LAMA2: variants seen among roughly 807,000 people sequenced by gnomAD.
The protein encoded by LAMA2 is laminin subunit alpha 2, also known as laminin subunit alpha-2.
Under a neutral mutation model 364.8 loss-of-function variants are expected in LAMA2, and 269 were observed. That is an observed-to-expected ratio of 0.74 (90% CI 0.67 to 0.82). The LOEUF (loss-of-function observed/expected upper bound fraction) is 0.82. LAMA2 is among the 40% of genes least tolerant of loss of function. The pLI, the probability that LAMA2 is intolerant of heterozygous loss-of-function variation, is 0.00. For synonymous variants in LAMA2, 1,379 were observed against 1,370.6 expected, an observed-to-expected ratio of 1.01 and a Z score of -0.14; for missense variants, 3,807 against 3,873.2, an observed-to-expected ratio of 0.98 and a Z score of 0.45.
At chr6:129,044,735 A>G (rs557511843) in intron 1 of LAMA2, among the ~76,000 whole-genome samples, 4 of 152,222 alleles carry the variant, frequency 2.6e-5, no homozygotes, top group African/African-American at 9.6e-5. Context: ...CAGAAAAAAA[A>G]TGTCAATCAT....
intron 15 of LAMA2, among the ~76,000 whole-genome samples, chr6:129,264,530 G>T (rs1787364466): frequency 6.6e-6 from 1 of 151,970 alleles, no homozygotes; most frequent in Non-Finnish European, 1.5e-5. Context: ...GTTTTTGGAA[G>T]GCGTCATAAA....
intron 4 of LAMA2, among the ~76,000 whole-genome samples, chr6:129,131,116 T>A (rs1178551834): frequency 6.6e-6 from 1 of 152,198 alleles, no homozygotes; most frequent in Non-Finnish European, 1.5e-5. Context: ...AAAACAACCC[T>A]GATTCTGTGA....
intron 20 of LAMA2, among the ~76,000 whole-genome samples, chr6:129,294,884 A>AT: frequency 6.6e-6 from 1 of 152,162 alleles, no homozygotes. Context: ...GTTTAAAATA[A>AT]TTTTTTTTCA....
At chr6:129,472,777 T>C (rs1783876895) in intron 51 of LAMA2, among the ~76,000 whole-genome samples, 1 of 151,970 alleles carries the variant, frequency 6.6e-6, no homozygotes, top group Non-Finnish European at 1.5e-5. Flanking sequence ...TAAATCCCAG[T>C]AGTTCCTGTG....
At chr6:129,218,298 G>A (rs528702844) in intron 12 of LAMA2, among the ~76,000 whole-genome samples, 1 of 152,154 alleles carries the variant, frequency 6.6e-6, no homozygotes, top group East Asian at 1.9e-4. Context: ...TACTCATCTT[G>A]TAGTGACCCT....
chr6:129,201,322 A>G (rs1782267545), intron 12 of LAMA2, among the ~76,000 whole-genome samples: 2 of 152,206 alleles, frequency 1.3e-5, no homozygotes, highest in East Asian at 3.9e-4. Flanking sequence ...GAGGCAGCAT[A>G]CAAGGGAAGA....
chr6:129,205,748 G>A (rs757630348), intron 12 of LAMA2, among the ~76,000 whole-genome samples: 2 of 152,038 alleles, frequency 1.3e-5, no homozygotes, highest in Non-Finnish European at 2.9e-5. Context: ...TAGGAGGCCA[G>A]GTGCACTGGC....
intron 45 of LAMA2, 125 bp from the exon 46 acceptor site, chr6:129,452,863 A>G: frequency 1.2e-6 from 1 of 814,334 alleles, no homozygotes; most frequent in East Asian, 2.6e-5. Context: ...GTGTTTAATG[A>G]TAGTATTTGA....
intron 21 of LAMA2, among the ~76,000 whole-genome samples, chr6:129,300,347 G>T (rs777609314): frequency 2.9e-4 from 44 of 152,128 alleles, no homozygotes; most frequent in African/African-American, 7.7e-4. Flanking sequence ...AAACTAATCC[G>T]TACAGCATAA....
At chr6:128,989,789 T>A (rs1783494090) in intron 1 of LAMA2, among the ~76,000 whole-genome samples, 2 of 152,354 alleles carry the variant, frequency 1.3e-5, no homozygotes, top group Admixed American at 1.3e-4. Context: ...TAAGCAAAGA[T>A]AATTTATTTC....
chr6:129,365,448 C>T (rs561866319), intron 32 of LAMA2, among the ~76,000 whole-genome samples: 13 of 152,170 alleles, frequency 8.5e-5, no homozygotes, highest in African/African-American at 2.2e-4. Context: ...CTGCAACCTC[C>T]GCCTCCCAGT....
intron 1 of LAMA2, among the ~76,000 whole-genome samples, chr6:129,023,035 C>A (rs751327072): frequency 1.3e-5 from 2 of 152,070 alleles, no homozygotes; most frequent in African/African-American, 2.4e-5. Flanking sequence ...TGCAGCATTT[C>A]ACTTGCTTCT....
intron 4 of LAMA2, among the ~76,000 whole-genome samples, chr6:129,127,665 A>G (rs1777194233): frequency 6.6e-6 from 1 of 152,094 alleles, no homozygotes; most frequent in Non-Finnish European, 1.5e-5. Context: ...TGTTTTTTCC[A>G]TATTCTCGCC....
chr6:129,078,552 C>T (rs1773813048), intron 3 of LAMA2, among the ~76,000 whole-genome samples: 1 of 152,148 alleles, frequency 6.6e-6, no homozygotes, highest in Non-Finnish European at 1.5e-5. Flanking sequence ...CAAAGATTAT[C>T]TATTTTTTTT....
At chr6:128,961,765 T>C (rs1487572650) in intron 1 of LAMA2, among the ~76,000 whole-genome samples, 1 of 151,958 alleles carries the variant, frequency 6.6e-6, no homozygotes, top group African/African-American at 2.4e-5. Flanking sequence ...CAATACTTTG[T>C]ATTCTTCAAT....
intron 1 of LAMA2, among the ~76,000 whole-genome samples, chr6:128,939,459 C>T (rs1037883679): frequency 2.0e-5 from 3 of 152,018 alleles, no homozygotes; most frequent in African/African-American, 7.2e-5. Context: ...AGGAATGCAA[C>T]AGCTTCCAAT....
At chr6:128,954,680 A>G (rs910946597) in intron 1 of LAMA2, among the ~76,000 whole-genome samples, 6 of 151,966 alleles carry the variant, frequency 3.9e-5, no homozygotes, top group African/African-American at 1.4e-4. Flanking sequence ...ATTCTTCAGT[A>G]CAGTACAACA....
chr6:129,328,201 CAGCCACTGAAGAGCTCA>C (rs1275495074), intron 28 of LAMA2, 60 bp from the exon 29 acceptor site: 2 of 1,290,770 alleles, frequency 1.5e-6, no homozygotes, highest in Non-Finnish European at 2.2e-6. Flanking sequence ...TCTGTCTTTG[CAGCCACTGAAGAGCTCA>C]AGCGTTGCTA....
At chr6:128,886,431 G>A (rs1043302852) in intron 1 of LAMA2, among the ~76,000 whole-genome samples, 2 of 152,116 alleles carry the variant, frequency 1.3e-5, no homozygotes, top group African/African-American at 4.8e-5. Context: ...GTGTAATATG[G>A]TGACAAAAAA....
Sources: gnomAD v4.1 joint callset for allele counts (sites outside exome capture counted in the v4.1 genomes callset) on GRCh38, gnomAD v4.1.1 for gene constraint, MANE v1.5 for transcripts, NCBI Gene and HGNC (gene_info 2026-07-23, HGNC 2026-07-21) for gene names.